PUS10: variants seen among roughly 807,000 people sequenced by gnomAD.
PUS10 encodes the protein pseudouridine synthase 10.
A neutral mutation model predicts 75.0 loss-of-function variants in PUS10; 59 were observed. That is an observed-to-expected ratio of 0.79 (90% CI 0.64 to 0.98). The LOEUF (loss-of-function observed/expected upper bound fraction) is 0.98. Among genes scored for constraint, PUS10 ranks in the 50% least tolerant of loss-of-function variants. The probability of loss-of-function intolerance (pLI) is 0.00; values close to 1 mark genes in which losing one functional copy is unlikely to be tolerated. For missense variants in PUS10, 650 were observed against 614.4 expected (o/e 1.06, Z -0.61); for synonymous variants, 219 against 211.6 (o/e 1.03, Z -0.30).
chr2:60,982,394 C>G (rs930451080), intron 4 of PUS10, among the ~76,000 whole-genome samples: 5 of 152,106 alleles, frequency 3.3e-5, no homozygotes, highest in African/African-American at 7.2e-5. Flanking sequence ...TCCCGAGTAG[C>G]TGGGATTACA....
At chr2:60,973,385 G>A (rs942272153) in intron 4 of PUS10, among the ~76,000 whole-genome samples, 1 of 152,256 alleles carries the variant, frequency 6.6e-6, no homozygotes, top group Non-Finnish European at 1.5e-5. Context: ...CCACAGGCCT[G>A]GAGGGGTCTG....
Position 61,008,754 on chromosome 2 carries a change from T to C in PUS10, c.381+7A>G. Reference sequence around the variant, plus strand: ...ATTGCACCTATAATGAAAAACAGGTTATTTACCTTTTTAATGAAATCTTTC... The same window carrying C: ...ATTGCACCTATAATGAAAAACAGGTCATTTACCTTTTTAATGAAATCTTTC... On this transcript the variant is annotated splice_region_variant and intron_variant, in intron 3 of 17. Transcript: ENST00000316752. The C allele has an allele frequency of 6.4e-7, 1 of 1,554,866 alleles. No homozygotes were observed. Among genetic ancestry groups the C allele is most frequent in the South Asian group, 1.2e-5 (1 of 84,118 alleles).
At chr2:60,994,817 A>G (rs561239016) in intron 4 of PUS10, among the ~76,000 whole-genome samples, 2 of 152,324 alleles carry the variant, frequency 1.3e-5, no homozygotes, top group South Asian at 4.1e-4. Flanking sequence ...GGCCGGGTGC[A>G]GTGGCTCACG....
At chr2:60,981,659 T>C (rs1677402235) in intron 4 of PUS10, among the ~76,000 whole-genome samples, 3 of 152,256 alleles carry the variant, frequency 2.0e-5, no homozygotes, top group Admixed American at 2.0e-4. Flanking sequence ...ATAACTTTTC[T>C]TGAAAAATAT....
chr2:60,964,856 G>T (rs759160458), intron 8 of PUS10, among the ~76,000 whole-genome samples: 33 of 152,190 alleles, frequency 2.2e-4, no homozygotes, highest in Non-Finnish European at 4.3e-4. Context: ...GAGGATGTTT[G>T]TGTGCTACAA....
At chr2:60,959,758 C>CG (rs1420180612) in intron 11 of PUS10, among the ~76,000 whole-genome samples, 2 of 152,212 alleles carry the variant, frequency 1.3e-5, no homozygotes, top group South Asian at 4.1e-4. Context: ...CCCAGGCCAG[C>CG]GGCACCCAGA....
At chr2:60,992,930 G>A (rs546533131) in intron 4 of PUS10, among the ~76,000 whole-genome samples, 2 of 152,248 alleles carry the variant, frequency 1.3e-5, no homozygotes, top group South Asian at 4.1e-4. Context: ...TAATGAATAC[G>A]ATATATGGCT....
In PUS10 at chr2:60,942,163, T is replaced by G; in HGVS notation, c.*232A>C. ...TTATTCATAGTTTGGTTTGTGGGGG[T>G]GAAAGAGGGAATGAGAAAAATCCTA... is the stretch of plus-strand genomic sequence containing the variant. On this transcript the variant is annotated 3_prime_UTR_variant, in exon 18 of 18. Transcript: ENST00000316752. The G allele has an allele frequency of 2.2e-6, 1 of 459,054 alleles. No homozygotes were observed. Among genetic ancestry groups the G allele is most frequent in the East Asian group, 3.5e-5 (1 of 28,828 alleles). 28.4% of individuals were successfully genotyped at this position (459,054 alleles called of 1,614,324 possible).
Position 60,945,074 on chromosome 2 carries a change from T to C in PUS10, c.1486A>G (p.Arg496Gly). ...IKEFVHGDFG[R>G]TKPNIGSLMN... ...AGGGACCCAATGTTTGGCTTGGTTC[T>C]CCCGAAGTCTCCATGTACAAACTCT... The change falls in exon 17 of 18, where the codon AGA (arginine) becomes GGA (glycine). Residue 496 changes from arginine to glycine, a missense_variant. Physicochemically the swap from Arg to Gly is moderately radical, Grantham distance 125 (BLOSUM62 -2). Coordinates refer to ENST00000316752, the MANE Select transcript of PUS10 (RefSeq NM_144709.4). 3.1e-6 allele frequency: 5 copies of C among 1,614,056 alleles called. No individual in the cohort carries two copies. Among genetic ancestry groups the C allele is most frequent in the Non-Finnish European group, 4.2e-6 (5 of 1,179,880 alleles).
At chr2:60,960,321 T>G in intron 11 of PUS10, 71 bp downstream of exon 11, 1 of 1,228,988 alleles carries the variant, frequency 8.1e-7, no homozygotes, top group Non-Finnish European at 1.1e-6. Flanking sequence ...TCTAGCCTAG[T>G]TGACAAAGCA....
chr2:60,986,804 C>A (rs954124607), intron 4 of PUS10, among the ~76,000 whole-genome samples: 1 of 152,122 alleles, frequency 6.6e-6, no homozygotes, highest in African/African-American at 2.4e-5. Context: ...GCAAGGGATT[C>A]GGAGACAGAA....
chr2:61,011,715 C>G, intron 2 of PUS10, 50 bp downstream of exon 2: 1 of 1,346,210 alleles, frequency 7.4e-7, no homozygotes. Context: ...TTGTAAAATA[C>G]AGAGAACCTT....
intron 4 of PUS10, among the ~76,000 whole-genome samples, chr2:60,978,363 A>G (rs1179731795): frequency 6.7e-6 from 1 of 148,844 alleles, no homozygotes; most frequent in Non-Finnish European, 1.5e-5. Flanking sequence ...CGGAAGTTGC[A>G]GTGAGCTGAG....
intron 4 of PUS10, among the ~76,000 whole-genome samples, chr2:60,984,791 A>C (rs766341484): frequency 6.6e-6 from 1 of 152,204 alleles, no homozygotes; most frequent in Non-Finnish European, 1.5e-5. Flanking sequence ...TGGTTGTTGC[A>C]AGGTAAAAAG....
intron 4 of PUS10, among the ~76,000 whole-genome samples, chr2:61,004,975 C>G (rs1455765264): frequency 6.6e-6 from 1 of 152,174 alleles, no homozygotes; most frequent in Non-Finnish European, 1.5e-5. Flanking sequence ...TATCTTCTGG[C>G]CGGGCACAGT....
chr2:61,015,621 C>G (rs1011407022), intron 1 of PUS10, among the ~76,000 whole-genome samples: 44 of 152,200 alleles, frequency 2.9e-4, no homozygotes, highest in African/African-American at 1.1e-3. Flanking sequence ...ATCGCCCGAA[C>G]CCAGGAGGCA....
chr2:60,946,013 G>A (rs539575112), intron 16 of PUS10, among the ~76,000 whole-genome samples: 34 of 152,106 alleles, frequency 2.2e-4, no homozygotes, highest in Non-Finnish European at 4.3e-4. Context: ...CTTTCTGAAC[G>A]TTTTACTCAC....
At chr2:60,949,132 C>A (rs1675176934) in intron 15 of PUS10, among the ~76,000 whole-genome samples, 1 of 152,054 alleles carries the variant, frequency 6.6e-6, no homozygotes, top group Non-Finnish European at 1.5e-5. Context: ...AATGGCTCCT[C>A]CTAACTCTGT....
At chr2:60,942,685 A>G (rs1674691086) in intron 17 of PUS10, among the ~76,000 whole-genome samples, 1 of 152,112 alleles carries the variant, frequency 6.6e-6, no homozygotes, top group South Asian at 2.1e-4. Flanking sequence ...TTTGACTGAT[A>G]AGAGAATACA....
Sources: gnomAD v4.1 joint callset for allele counts (sites outside exome capture counted in the v4.1 genomes callset) on GRCh38, gnomAD v4.1.1 for gene constraint, MANE v1.5 for transcripts, NCBI Gene and HGNC (gene_info 2026-07-23, HGNC 2026-07-21) for gene names.